The following ARAP3 variants were observed in gnomAD, a reference collection of about 807,000 sequenced individuals.
ARAP3 encodes the protein ArfGAP with RhoGAP domain, ankyrin repeat and PH domain 3.
A neutral mutation model predicts 169.2 loss-of-function variants in ARAP3; 82 were observed. That is an observed-to-expected ratio of 0.48 (90% CI 0.41 to 0.58). The LOEUF (loss-of-function observed/expected upper bound fraction) is 0.58, where lower values mean the gene tolerates loss of function less well. Among genes scored for constraint, ARAP3 ranks in the 20% least tolerant of loss-of-function variants. The probability of loss-of-function intolerance (pLI) is 0.00; values close to 1 mark genes in which losing one functional copy is unlikely to be tolerated. For synonymous variants in ARAP3, 791 were observed against 800.3 expected, an observed-to-expected ratio of 0.99 and a Z score of 0.20; for missense variants, 1,764 against 2,018.0, an observed-to-expected ratio of 0.87 and a Z score of 2.41.
chr5:141,676,451 G>A (rs897232553), intron 4 of ARAP3, among the ~76,000 whole-genome samples: 2 of 152,190 alleles, frequency 1.3e-5, no homozygotes, highest in Admixed American at 6.5e-5. Context: ...GACACTGTCT[G>A]TACTTTTCTA....
In ARAP3 at chr5:141,661,834, G is replaced by C. The variant is rs756985413; in HGVS notation, c.3014-45C>G. On this transcript the variant is annotated intron_variant, in intron 20 of 32. Transcript: ENST00000239440. ...GGGTTGGGGAGGACCCGGGAAGAAA[G>C]AGTGGCAGCTGGTACAGAGGGAGGG... 2.2e-5 allele frequency: 35 copies of C among 1,598,548 alleles called. No individual in the cohort carries two copies. The East Asian group carries it at 7.1e-4, about 33-fold the overall frequency.
In ARAP3 at chr5:141,679,673, G is replaced by A; in HGVS notation, c.587-17C>T. On this transcript the variant is annotated splice_polypyrimidine_tract_variant and intron_variant, in intron 3 of 32. Coordinates refer to ENST00000239440, the MANE Select transcript of ARAP3 (RefSeq NM_022481.6). ...TGATGTGCACTGGCAGGAGGAGAGG[G>A]GAACGCACAAGGAAGAGGAGATCGC... is the stretch of plus-strand genomic sequence containing the variant. The A allele has an allele frequency of 1.2e-6, 2 of 1,613,930 alleles. No individual in the cohort carries two copies. The highest frequency in any genetic ancestry group is 1.7e-6 in the Non-Finnish European group (2 of 1,179,892).
chr5:141,674,024 C>T (rs574392789), intron 4 of ARAP3, among the ~76,000 whole-genome samples: 69 of 138,078 alleles, frequency 5.0e-4, no homozygotes, highest in African/African-American at 1.4e-3. Context: ...AGTGCAATAG[C>T]GCAATCTCGG....
Position 141,680,387 on chromosome 5 carries a change from C to G in ARAP3, c.100G>C (p.Gly34Arg), listed in dbSNP as rs377464085. The change falls in exon 2 of 33, where the codon GGT becomes CGT. Residue 34 changes from glycine (G) to arginine (R), a missense_variant. Coordinates refer to ENST00000239440, the MANE Select transcript of ARAP3 (RefSeq NM_022481.6). The stretch of plus-strand genomic sequence containing the variant: ...TCGTGGCCCAGGCCCCGGGCTGCAC[C>G]TGCTGTAGCCAGGCCATGCCGTCGG... Reference protein sequence around the residue: ...TFRRHGLATAGAARGLGHEEL... With the variant: ...TFRRHGLATARAARGLGHEEL... 15 of 1,614,036 alleles carry G rather than the reference C, an allele frequency of 9.3e-6. No homozygotes were observed. Among genetic ancestry groups the G allele is most frequent in the Admixed American group, 1.7e-5 (1 of 60,014 alleles).
rs1029259587 is a variant in ARAP3 at position 141,679,588 on chromosome 5, T to C, written c.655A>G (p.Arg219Gly). The change falls in exon 4 of 33, where the codon AGA (arginine) becomes GGA (glycine). Residue 219 changes from arginine to glycine, a missense_variant. This residue lies in a region of ARAP3 where 630 missense variants were observed against 678.7 expected (regional missense o/e 0.93). Coordinates refer to ENST00000239440, the MANE Select transcript of ARAP3 (RefSeq NM_022481.6). Reference sequence around the variant, plus strand: ...TGACAAACACCTCTGCTCTCTCTTCTGTCGGGGGCTCCTGGAGTCCCCACA... The same window carrying C: ...TGACAAACACCTCTGCTCTCTCTTCCGTCGGGGGCTCCTGGAGTCCCCACA... Reference protein sequence around the residue: ...QPVGTPGAPDRRESRGVCQGR... With the variant: ...QPVGTPGAPDGRESRGVCQGR... 2 of 1,614,064 alleles carry C rather than the reference T, an allele frequency of 1.2e-6. No individual in the cohort carries two copies. The highest frequency in any genetic ancestry group is 2.7e-5 in the African/African-American group (2 of 74,926).
rs1003120937 is a variant in ARAP3 at position 141,662,088 on chromosome 5, G to C, written c.2968C>G (p.Pro990Ala). Residue 990 changes from proline to alanine, a missense_variant, in exon 20 of 33, where the codon CCT (proline) becomes GCT (alanine). Coordinates refer to ENST00000239440, the MANE Select transcript of ARAP3 (RefSeq NM_022481.6). Reference sequence around the variant, plus strand: ...GGCAGCAACCGTGCAGAGGTCACAGGGTCATCGAGCTCACGAAAGAAGCGT... The same window carrying C: ...GGCAGCAACCGTGCAGAGGTCACAGCGTCATCGAGCTCACGAAAGAAGCGT... ...LKRFFRELDD[P>A]VTSARLLPRW... 4 of 1,614,066 alleles carry C rather than the reference G, an allele frequency of 2.5e-6. No homozygotes were observed. The highest frequency in any genetic ancestry group is 3.4e-6 in the Non-Finnish European group (4 of 1,180,042).
At chr5:141,676,857 T>C (rs1338228883) in intron 4 of ARAP3, among the ~76,000 whole-genome samples, 1 of 152,140 alleles carries the variant, frequency 6.6e-6, no homozygotes, top group African/African-American at 2.4e-5. Flanking sequence ...CTCCGACCTC[T>C]CTCTAGACTC....
At chr5:141,680,597 A>T in intron 1 of ARAP3, 94 bp from the exon 2 acceptor site, 1 of 1,435,240 alleles carries the variant, frequency 7.0e-7, no homozygotes, top group African/African-American at 1.4e-5. Context: ...ACCAGCCTCC[A>T]ATCTTCCTCC....
Position 141,662,111 on chromosome 5 carries a change from C to T in ARAP3, c.2945G>A (p.Arg982His), listed in dbSNP as rs1213370886. 6 of 1,614,096 alleles carry T rather than the reference C, an allele frequency of 3.7e-6. No individual in the cohort carries two copies. The highest frequency in any genetic ancestry group is 4.2e-6 in the Non-Finnish European group (5 of 1,180,050). The change falls in exon 20 of 33, where the codon CGC (arginine) becomes CAC (histidine). Residue 982 changes from arginine (R) to histidine (H), a missense_variant. Physicochemically the swap from Arg to His is conservative, Grantham distance 29 (BLOSUM62 0). Transcript: ENST00000239440. ...AGGGTCATCGAGCTCACGAAAGAAG[C>T]GTTTGAGTGTGTCAGTGACATCCTC... ...FVEDVTDTLK[R>H]FFRELDDPVT...
At chr5:141,680,546 T>TC in intron 1 of ARAP3, 43 bp from the exon 2 acceptor site, 9 of 1,517,892 alleles carry the variant, frequency 5.9e-6, no homozygotes, top group Admixed American at 2.0e-5. Context: ...AGGCTGAGAA[T>TC]CCCCCTCTCT....
chr5:141,656,450 T>C (rs1178086387), intron 27 of ARAP3, 54 bp downstream of exon 27: 100 of 1,592,012 alleles, frequency 6.3e-5, no homozygotes, highest in Non-Finnish European at 7.9e-5. Flanking sequence ...GGTGCAGTCA[T>C]GGCTCCTCTC....
In ARAP3 at chr5:141,672,355, C is replaced by A. The variant is rs2099911564; in HGVS notation, c.1386-54G>T. On this transcript the variant is annotated intron_variant, in intron 9 of 32. Transcript: ENST00000239440. This position sits in a 1 kb window ranked among gnomAD's most constrained non-coding sequence, Gnocchi z 4.9. Reference sequence around the variant, plus strand: ...ATGGACCTACCTGCCATGTCCCATCCCCCTGGCTCTTCCTGCAGGAGCCAC... The same window carrying A: ...ATGGACCTACCTGCCATGTCCCATCACCCTGGCTCTTCCTGCAGGAGCCAC... 1.9e-6 allele frequency: 3 copies of A among 1,601,326 alleles called. No individual in the cohort carries two copies. The highest frequency in any genetic ancestry group is 2.6e-6 in the Non-Finnish European group (3 of 1,172,470).
At chr5:141,655,244 A>ACACG in intron 32 of ARAP3, 118 bp downstream of exon 32, 1 of 1,074,480 alleles carries the variant, frequency 9.3e-7, no homozygotes, top group Non-Finnish European at 1.4e-6. Flanking sequence ...ACACACACAC[A>ACACG]CACACACACA....
intron 16 of ARAP3, among the ~76,000 whole-genome samples, chr5:141,669,392 G>T (rs1008177507): frequency 1.3e-5 from 2 of 152,198 alleles, no homozygotes; most frequent in African/African-American, 4.8e-5. Flanking sequence ...GGTTTGGGCC[G>T]TGAGCTTTGC....
rs377698647 is a variant in ARAP3 at position 141,656,595 on chromosome 5, C to A, written c.3698G>T (p.Arg1233Leu). The change falls in exon 27 of 33, where the codon CGT becomes CTT. Residue 1233 changes from arginine (R) to leucine (L), a missense_variant. Physicochemically the swap from Arg to Leu is moderately radical, Grantham distance 102. This residue lies in a region of ARAP3 where 1,112 missense variants were observed against 1,285.7 expected (regional missense o/e 0.86). Coordinates refer to ENST00000239440, the MANE Select transcript of ARAP3 (RefSeq NM_022481.6). The stretch of plus-strand genomic sequence containing the variant: ...TCCCAGCAAGCGAGGTGGCTCCTCA[C>A]GACACCGCAACAGCCCCACCCGTGG... Reference protein sequence around the residue: ...ESPRVGLLRCREEPPRLLGSR... With the variant: ...ESPRVGLLRCLEEPPRLLGSR... The A allele has an allele frequency of 3.7e-6, 6 of 1,612,978 alleles. No homozygotes were observed. The highest frequency in any genetic ancestry group is 4.5e-5 in the East Asian group (2 of 44,848).
intron 6 of ARAP3, 122 bp downstream of exon 6, chr5:141,673,279 C>A: frequency 6.4e-7 from 1 of 1,556,512 alleles, no homozygotes; most frequent in South Asian, 1.2e-5. Context: ...TAAATGCTGA[C>A]ATCAGTCATG....
At position 141,656,261 on chromosome 5, in the gene ARAP3, G is replaced by A. The variant is rs539283748; in HGVS notation, c.3805C>T (p.Arg1269Trp). Residue 1269 changes from arginine (R) to tryptophan (W), a missense_variant, in exon 28 of 33, where the codon CGG (arginine) becomes TGG (tryptophan). Coordinates refer to ENST00000239440, the MANE Select transcript of ARAP3 (RefSeq NM_022481.6). ...LKEKKSSKPE[R>W]EWPLEGAKVY... ...TTGGCACCTTCCAAAGGCCACTCCC[G>A]TTCTGGTTTAGAGCTCTGAGAACAG... 27 of 1,614,040 alleles carry A rather than the reference G, an allele frequency of 1.7e-5. No homozygotes were observed. Among genetic ancestry groups the A allele is most frequent in the Middle Eastern group, 1.6e-4 (1 of 6,084 alleles).
chr5:141,676,718 C>T (rs761369708), intron 4 of ARAP3, among the ~76,000 whole-genome samples: 5 of 152,136 alleles, frequency 3.3e-5, no homozygotes, highest in African/African-American at 9.7e-5. Flanking sequence ...CAGATTCTTC[C>T]GCTTCTCCCA....
chr5:141,677,639 C>T (rs1405504888), intron 4 of ARAP3, among the ~76,000 whole-genome samples: 1 of 152,224 alleles, frequency 6.6e-6, no homozygotes, highest in Non-Finnish European at 1.5e-5. Context: ...CAGACCACTC[C>T]CAACATAGCA....
Sources: gnomAD v4.1 joint callset for allele counts (sites outside exome capture counted in the v4.1 genomes callset) on GRCh38, gnomAD v4.1.1 for gene constraint, gnomAD v4.1.1 regional missense constraint, Gnocchi (gnomAD v3.1) non-coding constraint, MANE v1.5 for transcripts, NCBI Gene and HGNC (gene_info 2026-07-23, HGNC 2026-07-21) for gene names.